The following RXFP1 variants were observed in gnomAD, a reference collection of about 807,000 sequenced individuals.
RXFP1 encodes relaxin receptor 1.
A neutral mutation model predicts 89.8 loss-of-function variants in RXFP1; 73 were observed. That is an observed-to-expected ratio of 0.81 (90% CI 0.67 to 0.99). The LOEUF (loss-of-function observed/expected upper bound fraction) is 0.99, where lower values mean the gene tolerates loss of function less well. Ranked by LOEUF, RXFP1 falls within the 50% of genes least tolerant of loss-of-function variation. RXFP1 has a pLI of 0.00. For synonymous variants in RXFP1, 277 were observed against 305.5 expected (o/e 0.91, Z 0.97); for missense variants, 793 against 895.5 (o/e 0.89, Z 1.46).
intron 1 of RXFP1, among the ~76,000 whole-genome samples, chr4:158,546,511 G>A (rs1015950196): frequency 2.6e-5 from 4 of 152,146 alleles, no homozygotes; most frequent in Admixed American, 1.3e-4. Flanking sequence ...GTGAGAGAGG[G>A]CATCCCTGTC....
chr4:158,625,697 G>A (rs886084567), intron 9 of RXFP1, among the ~76,000 whole-genome samples: 2 of 152,180 alleles, frequency 1.3e-5, no homozygotes, highest in South Asian at 2.1e-4. Context: ...CTCACATGTT[G>A]GCAGTGGAGT....
intron 1 of RXFP1, among the ~76,000 whole-genome samples, chr4:158,549,365 A>G (rs1271062881): frequency 1.3e-5 from 2 of 151,902 alleles, no homozygotes; most frequent in African/African-American, 4.8e-5. Flanking sequence ...ATTTTTTTTC[A>G]AAGTTTTTAA....
At chr4:158,645,514 C>G (rs1214254237) in intron 15 of RXFP1, among the ~76,000 whole-genome samples, 2 of 152,132 alleles carry the variant, frequency 1.3e-5, no homozygotes, top group Admixed American at 1.3e-4. Context: ...ATGTGTATGT[C>G]CAGTTCACAG....
intron 17 of RXFP1, among the ~76,000 whole-genome samples, chr4:158,651,206 A>T (rs1238574949): frequency 6.6e-6 from 1 of 152,194 alleles, no homozygotes; most frequent in East Asian, 1.9e-4. Context: ...ATTTCTATAT[A>T]TATTAGAGTG....
At position 158,639,259 on chromosome 4, in the gene RXFP1, G is replaced by A. The variant is rs1016225767; in HGVS notation, c.1044-1G>A. The A allele has an allele frequency of 6.6e-7, 1 of 1,511,372 alleles. No individual in the cohort carries two copies. Among genetic ancestry groups the A allele is most frequent in the Non-Finnish European group, 9.2e-7 (1 of 1,089,502 alleles). 93.6% of individuals were successfully genotyped at this position (1,511,372 alleles called of 1,614,324 possible). ...ATTGATTATTAATTTGATATTTTTA[G>A]CAGCCTAGAAGGGATTGAAATTTCA... On this transcript the variant is annotated splice_acceptor_variant, in intron 13 of 17. Coordinates refer to ENST00000307765, the MANE Select transcript of RXFP1 (RefSeq NM_021634.4). LOFTEE classifies it high-confidence loss of function.
At chr4:158,536,571 G>A (rs1440396092) in intron 1 of RXFP1, among the ~76,000 whole-genome samples, 1 of 152,088 alleles carries the variant, frequency 6.6e-6, no homozygotes, top group African/African-American at 2.4e-5. Flanking sequence ...CATTCTTGCA[G>A]GTAATTATTA....
intron 16 of RXFP1, 81 bp downstream of exon 16, chr4:158,647,282 A>C: frequency 9.0e-7 from 1 of 1,109,804 alleles, no homozygotes; most frequent in Non-Finnish European, 1.3e-6. Context: ...ATGAGGGTGA[A>C]TTCTATCAGA....
intron 1 of RXFP1, among the ~76,000 whole-genome samples, chr4:158,558,930 G>C (rs1471597271): frequency 6.6e-6 from 1 of 152,156 alleles, no homozygotes; most frequent in Non-Finnish European, 1.5e-5. Context: ...TTAAGTGACA[G>C]CTGTCGTAAT....
chr4:158,550,986 A>G (rs1425011220), intron 1 of RXFP1, among the ~76,000 whole-genome samples: 2 of 152,208 alleles, frequency 1.3e-5, no homozygotes, highest in Admixed American at 6.5e-5. Flanking sequence ...ACATGAAGAA[A>G]AAAAAAAGCA....
At chr4:158,639,491 A>G (rs1265422945) in intron 14 of RXFP1, among the ~76,000 whole-genome samples, 160 bp downstream of exon 14, 3 of 152,184 alleles carry the variant, frequency 2.0e-5, no homozygotes, top group Admixed American at 6.5e-5. Context: ...ACTAACCCCA[A>G]TGCAATGGTA....
intron 1 of RXFP1, among the ~76,000 whole-genome samples, chr4:158,529,392 G>A (rs62352888): frequency 0.028 from 4,274 of 151,976 alleles, 73 homozygotes; most frequent in Middle Eastern, 0.037. Context: ...CTGAGTAGCT[G>A]GTACCACAGG....
At chr4:158,555,524 G>A (rs1221285337) in intron 1 of RXFP1, among the ~76,000 whole-genome samples, 2 of 152,170 alleles carry the variant, frequency 1.3e-5, no homozygotes, top group African/African-American at 4.8e-5. Context: ...CAAAGAGAAA[G>A]GTGCAATAGC....
At chr4:158,542,230 G>A (rs1040165781) in intron 1 of RXFP1, among the ~76,000 whole-genome samples, 3 of 150,572 alleles carry the variant, frequency 2.0e-5, no homozygotes, top group Middle Eastern at 3.4e-3. Flanking sequence ...GAATCACTGC[G>A]CCTGGCCCAG....
chr4:158,555,234 TA>T (rs1427115243), intron 1 of RXFP1, among the ~76,000 whole-genome samples: 4 of 152,110 alleles, frequency 2.6e-5, no homozygotes, highest in African/African-American at 9.7e-5. Flanking sequence ...TGTAAGAGAG[TA>T]AAAAACTTAG....
chr4:158,614,983 G>A (rs1052830190), intron 8 of RXFP1, among the ~76,000 whole-genome samples: 4 of 152,084 alleles, frequency 2.6e-5, no homozygotes, highest in African/African-American at 7.2e-5. Flanking sequence ...TAACCATGCT[G>A]TAAACAGATG....
chr4:158,635,340 A>T (rs1768931752), intron 12 of RXFP1, among the ~76,000 whole-genome samples: 1 of 152,182 alleles, frequency 6.6e-6, no homozygotes, highest in Admixed American at 6.5e-5. Context: ...GCATATAGAA[A>T]CACAGCTGAT....
At chr4:158,570,014 T>C (rs1754699558) in intron 1 of RXFP1, among the ~76,000 whole-genome samples, 1 of 152,230 alleles carries the variant, frequency 6.6e-6, no homozygotes, top group Admixed American at 6.5e-5. Context: ...GGTATAAATA[T>C]AGCAAATCAG....
In RXFP1 at chr4:158,652,300, C is replaced by G; in HGVS notation, c.*245C>G. On this transcript the variant is annotated 3_prime_UTR_variant, in exon 18 of 18. Transcript: ENST00000307765. ...AAGAGAAATCTACTTCAGTAACATT[C>G]ATTCATTTTTCTAACATGCATTTAT... The G allele has an allele frequency of 7.5e-6, 3 of 400,760 alleles. No homozygotes were observed. Among genetic ancestry groups the G allele is most frequent in the Non-Finnish European group, 1.3e-5 (3 of 225,738 alleles). The allele number at this position is 400,760 out of a possible 1,614,324, so 24.8% of individuals were successfully genotyped here. A position where few individuals can be genotyped will look rare whatever the true frequency, so the allele number is the denominator to read the frequency against.
chr4:158,616,718 G>C (rs1293103739), intron 8 of RXFP1, among the ~76,000 whole-genome samples: 1 of 150,712 alleles, frequency 6.6e-6, no homozygotes, highest in East Asian at 1.9e-4. Context: ...TAGAGGGAAG[G>C]CTGGGCATGG....
Sources: gnomAD v4.1 joint callset for allele counts (sites outside exome capture counted in the v4.1 genomes callset) on GRCh38, gnomAD v4.1.1 for gene constraint, MANE v1.5 for transcripts, NCBI Gene and HGNC (gene_info 2026-07-23, HGNC 2026-07-21) for gene names.